TNRC6A: variants seen among roughly 807,000 people sequenced by gnomAD.
TNRC6A encodes the protein trinucleotide repeat containing adaptor 6A, also known as trinucleotide repeat-containing gene 6A protein.
TNRC6A carries 44 observed loss-of-function variants against 221.2 expected under a neutral mutation model. The ratio of observed to expected loss-of-function variants is 0.20; its 90% CI spans 0.16 to 0.26. The LOEUF is 0.26. TNRC6A is among the 10% of genes least tolerant of loss of function. The pLI, the probability that TNRC6A is intolerant of heterozygous loss-of-function variation, is 1.00. For missense variants in TNRC6A, 2,199 were observed against 2,404.4 expected (o/e 0.91, Z 1.79); for synonymous variants, 847 against 838.5 (o/e 1.01, Z -0.18).
chr16:24,611,178 C>T (rs768159694), intron 1 of TNRC6A, among the ~76,000 whole-genome samples: 3 of 152,098 alleles, frequency 2.0e-5, no homozygotes, highest in Non-Finnish European at 2.9e-5. Flanking sequence ...TTCCTCTCAT[C>T]CTCTAACCTC....
chr16:24,655,626 T>G (rs1233080947), intron 2 of TNRC6A, among the ~76,000 whole-genome samples: 1 of 150,404 alleles, frequency 6.6e-6, no homozygotes, highest in Non-Finnish European at 1.5e-5. Context: ...GAGGCGGAGG[T>G]TGCGGTGAGC....
intron 2 of TNRC6A, among the ~76,000 whole-genome samples, chr16:24,716,622 G>A (rs11860539): frequency 0.1 from 15,422 of 152,022 alleles, 1,801 homozygotes; most frequent in East Asian, 0.36. Flanking sequence ...CCATGTTCAC[G>A]CCACTGCATT....
chr16:24,692,040 C>T (rs1035347037), intron 2 of TNRC6A, among the ~76,000 whole-genome samples: 2 of 152,218 alleles, frequency 1.3e-5, no homozygotes, highest in African/African-American at 2.4e-5. Context: ...AGGAGAGGAG[C>T]GAGGCAACAC....
chr16:24,633,227 C>T (rs894209853), intron 1 of TNRC6A, among the ~76,000 whole-genome samples: 4 of 152,008 alleles, frequency 2.6e-5, no homozygotes, highest in Non-Finnish European at 5.9e-5. Context: ...ATGGTTTACT[C>T]CTTTGTAGGT....
At chr16:24,755,982 G>T (rs11862923) in intron 3 of TNRC6A, among the ~76,000 whole-genome samples, 26,733 of 152,046 alleles carry the variant, frequency 0.18, 2,464 homozygotes, top group Middle Eastern at 0.2. Context: ...ACCCTGAAAG[G>T]TAAGCAGGAC....
intron 2 of TNRC6A, among the ~76,000 whole-genome samples, chr16:24,678,574 G>A (rs769951809): frequency 1.3e-5 from 2 of 152,242 alleles, no homozygotes; most frequent in East Asian, 1.9e-4. Flanking sequence ...GCATGGTGGC[G>A]CATGCCTGTA....
intron 2 of TNRC6A, among the ~76,000 whole-genome samples, chr16:24,730,635 G>A (rs1230214712): frequency 6.6e-6 from 1 of 151,938 alleles, no homozygotes; most frequent in African/African-American, 2.4e-5. Context: ...CATGATTGAG[G>A]CGGCCCTTAT....
At chr16:24,666,353 G>A (rs964695946) in intron 2 of TNRC6A, among the ~76,000 whole-genome samples, 40 of 151,274 alleles carry the variant, frequency 2.6e-4, no homozygotes, top group African/African-American at 9.0e-4. Context: ...GGTGCCTGTA[G>A]TCCCAGCTAC....
chr16:24,729,597 C>T (rs1156879992), upstream of TNRC6A: 8 of 407,892 alleles, frequency 2.0e-5, no homozygotes, highest in African/African-American at 1.3e-4. Context: ...GGGCCTCCAT[C>T]TTGGGGGCCA....
chr16:24,704,919 A>G (rs1267563853), intron 2 of TNRC6A, among the ~76,000 whole-genome samples: 1 of 152,058 alleles, frequency 6.6e-6, no homozygotes, highest in East Asian at 1.9e-4. Flanking sequence ...CAAGAGGATC[A>G]CTTGAGGCCA....
chr16:24,701,707 G>A (rs1489598401), intron 2 of TNRC6A, among the ~76,000 whole-genome samples: 2 of 152,102 alleles, frequency 1.3e-5, no homozygotes, highest in Non-Finnish European at 2.9e-5. Flanking sequence ...GAAACCCATG[G>A]CCCTGCTATC....
At chr16:24,664,263 G>A (rs1385384710) in intron 2 of TNRC6A, among the ~76,000 whole-genome samples, 13 of 151,786 alleles carry the variant, frequency 8.6e-5, no homozygotes, top group Admixed American at 5.9e-4. Flanking sequence ...CCTTGGAGAC[G>A]GAGATTGCAG....
chr16:24,750,552 A>C (rs901555202), intron 2 of TNRC6A, among the ~76,000 whole-genome samples, 174 bp from the exon 3 acceptor site: 7 of 152,174 alleles, frequency 4.6e-5, no homozygotes, highest in Non-Finnish European at 1.0e-4. Flanking sequence ...TGTACCATAT[A>C]GTGGCTATAT....
chr16:24,614,671 C>T (rs959087665), intron 1 of TNRC6A, among the ~76,000 whole-genome samples: 1 of 152,192 alleles, frequency 6.6e-6, no homozygotes, highest in African/African-American at 2.4e-5. Flanking sequence ...CCATATGGAA[C>T]TCAATGCCTT....
chr16:24,807,045 A>G (rs1181855181), intron 17 of TNRC6A, among the ~76,000 whole-genome samples: 1 of 146,462 alleles, frequency 6.8e-6, no homozygotes, highest in East Asian at 2.0e-4. Flanking sequence ...TTGCTCTGTC[A>G]CCCAGGGTGG....
At chr16:24,821,957 C>T in intron 22 of TNRC6A, 120 bp from the exon 23 acceptor site, 2 of 917,652 alleles carry the variant, frequency 2.2e-6, no homozygotes, top group Non-Finnish European at 3.5e-6. Flanking sequence ...AGGGAGAAAG[C>T]CTCCCATGTA....
At chr16:24,736,278 G>C (rs1354593475) in intron 2 of TNRC6A, among the ~76,000 whole-genome samples, 1 of 152,118 alleles carries the variant, frequency 6.6e-6, no homozygotes, top group Non-Finnish European at 1.5e-5. Context: ...TGCCACATTT[G>C]TTCTATCGTG....
At chr16:24,796,064 A>G (rs775474255) in intron 9 of TNRC6A, 125 bp downstream of exon 9, 2 of 1,018,042 alleles carry the variant, frequency 2.0e-6, no homozygotes, top group East Asian at 2.5e-5. Flanking sequence ...GGATTCAAAT[A>G]CACTAAGATA....
chr16:24,637,169 A>G (rs1432895319), intron 1 of TNRC6A, among the ~76,000 whole-genome samples: 1 of 152,086 alleles, frequency 6.6e-6, no homozygotes, highest in Admixed American at 6.6e-5. Context: ...AGTAGCTGGG[A>G]CTTCAGGTGC....
Sources: gnomAD v4.1 joint callset for allele counts (sites outside exome capture counted in the v4.1 genomes callset) on GRCh38, gnomAD v4.1.1 for gene constraint, MANE v1.5 for transcripts, NCBI Gene and HGNC (gene_info 2026-07-23, HGNC 2026-07-21) for gene names.